ZHX2: variants seen among roughly 807,000 people sequenced by gnomAD.
The protein encoded by ZHX2 is zinc fingers and homeoboxes protein 2.
ZHX2 carries 6 observed loss-of-function variants against 21.9 expected under a neutral mutation model. The observed-to-expected ratio is 0.27, with a 90% CI of 0.15 to 0.54. The LOEUF is 0.54. Ranked by LOEUF, ZHX2 falls within the 20% of genes least tolerant of loss-of-function variation. The pLI is 0.95. For missense variants in ZHX2, 908 were observed against 1,090.7 expected, an observed-to-expected ratio of 0.83 and a Z score of 2.36; for synonymous variants, 434 against 437.1, an observed-to-expected ratio of 0.99 and a Z score of 0.09.
intron 1 of ZHX2, among the ~76,000 whole-genome samples, chr8:122,821,542 A>G (rs1463145153): frequency 6.6e-6 from 1 of 152,066 alleles, no homozygotes; most frequent in East Asian, 1.9e-4. Context: ...TAAAAAAAAA[A>G]AAAAAGGAGC....
chr8:122,860,375 A>AGCATTTCTGCTATTAAATGATATAT (rs1418798648), intron 1 of ZHX2, among the ~76,000 whole-genome samples: 38 of 152,246 alleles, frequency 2.5e-4, no homozygotes, highest in Admixed American at 4.6e-4. Context: ...GCATTATGCA[A>AGCATTTCTGCTATTAAATGATATAT]GCATTTCTGC....
At chr8:122,890,218 A>G (rs1227438193) in intron 2 of ZHX2, among the ~76,000 whole-genome samples, 1 of 151,926 alleles carries the variant, frequency 6.6e-6, no homozygotes. Flanking sequence ...AGAGACTATC[A>G]TTTTCCTGAT....
intron 1 of ZHX2, among the ~76,000 whole-genome samples, chr8:122,837,917 C>G (rs1040926999): frequency 5.3e-5 from 8 of 152,238 alleles, no homozygotes; most frequent in Non-Finnish European, 1.0e-4. Flanking sequence ...CCCTTTCCTT[C>G]TCAGATTACT....
intron 2 of ZHX2, among the ~76,000 whole-genome samples, chr8:122,866,390 G>A (rs763218192): frequency 2.6e-5 from 4 of 152,160 alleles, no homozygotes; most frequent in Non-Finnish European, 5.9e-5. Flanking sequence ...ACACTTGTCA[G>A]GTTTACATTT....
At chr8:122,853,976 G>A (rs749347490) in intron 1 of ZHX2, among the ~76,000 whole-genome samples, 12 of 152,088 alleles carry the variant, frequency 7.9e-5, no homozygotes, top group Non-Finnish European at 1.3e-4. Flanking sequence ...TTTGAACCAC[G>A]GGCCACCAGC....
chr8:122,905,393 C>T (rs2129965911), intron 2 of ZHX2, among the ~76,000 whole-genome samples: 1 of 152,084 alleles, frequency 6.6e-6, no homozygotes, highest in South Asian at 2.1e-4. Context: ...TTTTTAAAAA[C>T]TGTCAACCCA....
chr8:122,879,972 C>CTTTTTTTTTTT (rs35351207), intron 2 of ZHX2, among the ~76,000 whole-genome samples: 1 of 126,404 alleles, frequency 7.9e-6, no homozygotes, highest in Non-Finnish European at 1.6e-5. Context: ...CTATTGTTAC[C>CTTTTTTTTTTT]TTTTTTTTTT....
chr8:122,970,769 C>T (rs1813700117), intron 3 of ZHX2, among the ~76,000 whole-genome samples: 1 of 152,178 alleles, frequency 6.6e-6, no homozygotes, highest in South Asian at 2.1e-4. Context: ...TTGGAAAGCA[C>T]CGGCAGAGGC....
chr8:122,847,856 G>C (rs2130731283), intron 1 of ZHX2, among the ~76,000 whole-genome samples: 1 of 152,332 alleles, frequency 6.6e-6, no homozygotes, highest in East Asian at 1.9e-4. Flanking sequence ...AACCAGGAGT[G>C]TGACTTCCCT....
Position 122,897,315 on chromosome 8 carries a change from G to T in ZHX2, c.-220+33776G>T, listed in dbSNP as rs373816552. ...ACCTACCTCATTGGGTTACCAGAAT[G>T]AAATGATCTTTGGGGGATAACAGTA... On this transcript the variant is annotated intron_variant, in intron 2 of 3. Transcript: ENST00000314393. Among the ~76,000 whole-genome samples the T allele has an allele frequency of 2.3e-3, 349 of 152,360 alleles. 1 individual carries two copies. Among genetic ancestry groups the T allele is most frequent in the African/African-American group, 7.9e-3 (329 of 41,582 alleles).
At chr8:122,808,078 C>G (rs1817857703) in intron 1 of ZHX2, among the ~76,000 whole-genome samples, 1 of 152,166 alleles carries the variant, frequency 6.6e-6, no homozygotes, top group Admixed American at 6.5e-5. Context: ...GGTCACTTAC[C>G]TTTTTTCAGT....
Position 122,929,640 on chromosome 8 carries a change from T to TAA in ZHX2, c.-219-21637_-219-21636dup, listed in dbSNP as rs754405611. ...CCTGGGTGACAGCGAGACCATGTCT[T>TAA]AAAAAAAAAAAAAAAAGACAGTTGT... On this transcript the variant is annotated intron_variant, in intron 2 of 3. Transcript: ENST00000314393. 3.0e-4 allele frequency among the ~76,000 whole-genome samples: 41 copies of TAA among 136,470 alleles called. 1 individual carries two copies. Among genetic ancestry groups the TAA allele is most frequent in the East Asian group, 1.9e-3 (9 of 4,774 alleles). The allele number at this position is 136,470 out of a possible 152,430, so 89.5% of individuals were successfully genotyped here. A position where few individuals can be genotyped will look rare whatever the true frequency, so the allele number is the denominator to read the frequency against.
intron 1 of ZHX2, among the ~76,000 whole-genome samples, chr8:122,818,416 G>A (rs1818075646): frequency 6.6e-6 from 1 of 152,100 alleles, no homozygotes; most frequent in African/African-American, 2.4e-5. Flanking sequence ...TGGACACAGC[G>A]TAGTCTCAAT....
At chr8:122,872,346 C>T (rs1257727533) in intron 2 of ZHX2, among the ~76,000 whole-genome samples, 6 of 152,202 alleles carry the variant, frequency 3.9e-5, no homozygotes, top group Admixed American at 3.3e-4. Context: ...ACTTTGCCCT[C>T]ATGGACTAGA....
intron 2 of ZHX2, among the ~76,000 whole-genome samples, chr8:122,910,118 G>A (rs780134202): frequency 6.6e-5 from 9 of 137,304 alleles, no homozygotes; most frequent in Admixed American, 4.0e-4. Flanking sequence ...CTCTTCCTCC[G>A]AGAAATCAAA....
intron 1 of ZHX2, chr8:122,816,494 G>T (rs1286803137): frequency 2.1e-5 from 3 of 145,884 alleles, no homozygotes; most frequent in Non-Finnish European, 4.5e-5. Context: ...TCGCCAGGCT[G>T]GAGTGCAGTG....
intron 1 of ZHX2, among the ~76,000 whole-genome samples, chr8:122,857,841 A>G (rs552145583): frequency 6.6e-6 from 1 of 152,362 alleles, no homozygotes; most frequent in African/African-American, 2.4e-5. Flanking sequence ...GCTGTAAAAA[A>G]GGGAGATAAG....
rs987407290 is a variant in ZHX2 at position 122,964,074 on chromosome 8, T to C, written c.*5-9168T>C. 2.6e-5 allele frequency among the ~76,000 whole-genome samples: 4 copies of C among 152,274 alleles called. No individual in the cohort carries two copies. The South Asian group carries it at 8.3e-4, about 32-fold the overall frequency. ...ATGAGTCTTTAGGGTTTTCTAGGTA[T>C]ATAATCAACATAGTCAGCAAACAGC... On this transcript the variant is annotated intron_variant, in intron 3 of 3. Coordinates refer to ENST00000314393, the MANE Select transcript of ZHX2 (RefSeq NM_014943.5).
chr8:122,879,050 A>G (rs1022863875), intron 2 of ZHX2, among the ~76,000 whole-genome samples: 25 of 152,086 alleles, frequency 1.6e-4, no homozygotes, highest in African/African-American at 6.0e-4. Flanking sequence ...TGCTTCTCCT[A>G]AGCTGTTTCC....
Sources: gnomAD v4.1 joint callset for allele counts (sites outside exome capture counted in the v4.1 genomes callset) on GRCh38, gnomAD v4.1.1 for gene constraint, MANE v1.5 for transcripts, NCBI Gene and HGNC (gene_info 2026-07-23, HGNC 2026-07-21) for gene names.